RNF128: variants seen among roughly 807,000 people sequenced by gnomAD.
RNF128 encodes ring finger protein 128, also known as E3 ubiquitin-protein ligase RNF128.
In RNF128, 13 loss-of-function variants were observed where a neutral mutation model predicts 26.2. The ratio of observed to expected loss-of-function variants is 0.50; its 90% CI spans 0.32 to 0.79. The LOEUF (loss-of-function observed/expected upper bound fraction) is 0.79, where lower values mean the gene tolerates loss of function less well. Ranked by LOEUF, RNF128 falls within the 30% of genes least tolerant of loss-of-function variation. The pLI, the probability that RNF128 is intolerant of heterozygous loss-of-function variation, is 0.03. For missense variants in RNF128, 315 were observed against 349.7 expected, an observed-to-expected ratio of 0.90 and a Z score of 0.79; for synonymous variants, 149 against 142.5, an observed-to-expected ratio of 1.05 and a Z score of -0.32.
chrX:106,761,599 T>TA (rs60855137), intron 1 of RNF128, among the ~76,000 whole-genome samples: 2 of 110,231 alleles, frequency 1.8e-5, no homozygotes, highest in African/African-American at 6.7e-5. Context: ...TATACAGCCA[T>TA]AAAAAAAGAA....
chrX:106,727,485 C>T, intron 1 of RNF128, 88 bp downstream of exon 1: 1 of 1,097,942 alleles, frequency 9.1e-7, no homozygotes, highest in Non-Finnish European at 1.2e-6. Context: ...CGTCCTATCC[C>T]CTTGCTCCGA....
At chrX:106,695,389 T>A (rs1197559522) in intron 1 of RNF128, among the ~76,000 whole-genome samples, 2 of 112,140 alleles carry the variant, frequency 1.8e-5, no homozygotes, top group East Asian at 5.6e-4. Flanking sequence ...ATCAAACTTA[T>A]GTTAAGAATA....
intron 1 of RNF128, among the ~76,000 whole-genome samples, chrX:106,708,988 G>A (rs1237445191): frequency 1.8e-5 from 2 of 111,157 alleles, no homozygotes; most frequent in African/African-American, 6.5e-5. Context: ...GTCTTTTTTT[G>A]TACAAGGTTC....
At chrX:106,790,410 A>T (rs913201010) in intron 5 of RNF128, 128 bp downstream of exon 5, 7 of 397,581 alleles carry the variant, frequency 1.8e-5, no homozygotes, top group Non-Finnish European at 2.7e-5. Flanking sequence ...AACCAGACAT[A>T]TTTATATCAT....
upstream of RNF128, among the ~76,000 whole-genome samples, chrX:106,721,993 G>A (rs1397444044): frequency 3.6e-5 from 4 of 111,398 alleles, no homozygotes; most frequent in East Asian, 2.8e-4. Flanking sequence ...GTAGGACTCC[G>A]AGGGAATATA....
chrX:106,730,055 G>C (rs779275828), intron 1 of RNF128, among the ~76,000 whole-genome samples: 1 of 111,840 alleles, frequency 8.9e-6, no homozygotes, highest in African/African-American at 3.2e-5. Context: ...ACTCTCATAG[G>C]GGCCTGCACT....
intron 2 of RNF128, among the ~76,000 whole-genome samples, chrX:106,782,573 C>T (rs1186018315): frequency 8.9e-6 from 1 of 112,185 alleles, no homozygotes; most frequent in Admixed American, 9.5e-5. Flanking sequence ...TTAGATGCTG[C>T]ATTCCCTTTT....
chrX:106,788,699 A>T (rs1930739294), intron 4 of RNF128, among the ~76,000 whole-genome samples: 1 of 62,600 alleles, frequency 1.6e-5, no homozygotes, highest in Non-Finnish European at 2.7e-5. Flanking sequence ...GTTATATATA[A>T]ATATATTTTA....
intron 2 of RNF128, among the ~76,000 whole-genome samples, 170 bp downstream of exon 2, chrX:106,773,330 C>G (rs1930410092): frequency 9.0e-6 from 1 of 111,623 alleles, no homozygotes; most frequent in South Asian, 3.7e-4. Context: ...GGTTTATTTT[C>G]TATATTTGTC....
At chrX:106,766,857 T>C (rs142591256) in intron 1 of RNF128, among the ~76,000 whole-genome samples, 407 of 111,949 alleles carry the variant, frequency 3.6e-3, no homozygotes, top group Non-Finnish European at 6.4e-3. Context: ...AGGTCTAATA[T>C]TTAGGTCTTT....
chrX:106,734,735 C>T (rs1004114737), intron 1 of RNF128, among the ~76,000 whole-genome samples: 1 of 112,144 alleles, frequency 8.9e-6, no homozygotes, highest in Admixed American at 9.5e-5. Context: ...GTACCAAACT[C>T]CAGAAGAGCA....
chrX:106,710,052 T>C (rs1929100059), intron 1 of RNF128, among the ~76,000 whole-genome samples: 1 of 112,073 alleles, frequency 8.9e-6, no homozygotes, highest in Non-Finnish European at 1.9e-5. Context: ...ATGTTCTAAA[T>C]TTACTTTCAT....
rs1929406040 is a variant in RNF128, at chrX:106,726,862, C to T, written c.-52C>T. ...TGCTCAAGACCAGGGTCCTGCCAAG[C>T]GCTAGGAGGGCGCGTGCCAGGGGCG... On this transcript the variant is annotated 5_prime_UTR_variant, in exon 1 of 7. Coordinates refer to ENST00000255499, the MANE Select transcript of RNF128 (RefSeq NM_194463.2). 8 of 1,126,770 alleles carry T rather than the reference C, an allele frequency of 7.1e-6. No individual in the cohort carries two copies. Among genetic ancestry groups the T allele is most frequent in the East Asian group, 6.5e-5 (2 of 30,713 alleles). The allele number at this position is 1,126,770 out of a possible 1,213,427, so 92.9% of individuals were successfully genotyped here.
At chrX:106,761,433 T>C (rs749418395) in intron 1 of RNF128, among the ~76,000 whole-genome samples, 61 of 111,765 alleles carry the variant, frequency 5.5e-4, no homozygotes, top group Non-Finnish European at 8.5e-4. Flanking sequence ...ATTGGGTATA[T>C]ACCCAAAGGA....
At chrX:106,740,617 T>A (rs1464194591) in intron 1 of RNF128, among the ~76,000 whole-genome samples, 1 of 111,604 alleles carries the variant, frequency 9.0e-6, no homozygotes, top group Non-Finnish European at 1.9e-5. Context: ...TCATCCAGGC[T>A]GGAGTGCAGT....
intron 1 of RNF128, among the ~76,000 whole-genome samples, chrX:106,749,059 A>G (rs770615224): frequency 6.6e-4 from 74 of 111,904 alleles, no homozygotes; most frequent in Non-Finnish European, 1.1e-3. Context: ...GCAAAAGATG[A>G]TATTTTAATC....
intron 1 of RNF128, among the ~76,000 whole-genome samples, chrX:106,718,556 C>A (rs1387819066): frequency 9.4e-6 from 1 of 106,770 alleles, no homozygotes; most frequent in Admixed American, 1.0e-4. Context: ...AGATTGTCAG[C>A]TAAGGGAGAT....
At chrX:106,725,930 TGA>T (rs1467793265), upstream of RNF128, among the ~76,000 whole-genome samples, 1 of 113,458 alleles carries the variant, frequency 8.8e-6, no homozygotes, top group Non-Finnish European at 1.9e-5. Context: ...AATAATGCCA[TGA>T]GTGAATCGCC....
intron 5 of RNF128, 151 bp from the exon 6 acceptor site, chrX:106,790,915 C>T (rs1334926601): frequency 2.0e-6 from 1 of 499,339 alleles, no homozygotes; most frequent in African/African-American, 2.4e-5. Context: ...CTGGGGCTAA[C>T]AAGAGACTTG....
Sources: allele counts gnomAD v4.1 joint callset (sites outside exome capture counted in the v4.1 genomes callset), GRCh38; gene constraint gnomAD v4.1.1; transcripts MANE v1.5; gene names NCBI Gene and HGNC (gene_info 2026-07-23, HGNC 2026-07-21).